The following TUFT1 variants were observed in gnomAD, a reference collection of about 807,000 sequenced individuals.
The protein encoded by TUFT1 is tuftelin.
Under a neutral mutation model 57.8 loss-of-function variants are expected in TUFT1, and 43 were observed. The observed-to-expected ratio is 0.74, with a 90% confidence interval of 0.58 to 0.96. The LOEUF is 0.96. Ranked by LOEUF, TUFT1 falls within the 40% of genes least tolerant of loss-of-function variation. The pLI, the probability that TUFT1 is intolerant of heterozygous loss-of-function variation, is 0.00. For missense variants in TUFT1, 459 were observed against 489.0 expected, an observed-to-expected ratio of 0.94 and a Z score of 0.58; for synonymous variants, 166 against 176.7, an observed-to-expected ratio of 0.94 and a Z score of 0.48.
chr1:151,568,235 T>G (rs1666143586), intron 6 of TUFT1, among the ~76,000 whole-genome samples: 1 of 152,126 alleles, frequency 6.6e-6, no homozygotes, highest in African/African-American at 2.4e-5. Flanking sequence ...TGTTTTTTGT[T>G]TTTTTTGCCT....
chr1:151,579,913 AG>A (rs1666589637), intron 11 of TUFT1, among the ~76,000 whole-genome samples, 181 bp downstream of exon 11: 1 of 152,166 alleles, frequency 6.6e-6, no homozygotes, highest in African/African-American at 2.4e-5. Context: ...ACCTTCAGGA[AG>A]CTGCTAACAA....
intron 11 of TUFT1, among the ~76,000 whole-genome samples, chr1:151,580,661 CAAAAAAA>C (rs10714430): frequency 1.4e-5 from 1 of 71,908 alleles, no homozygotes; most frequent in South Asian, 4.5e-4. Context: ...GACCCTATCT[CAAAAAAA>C]AAAAAAAAAA....
chr1:151,543,037 C>T (rs1306951642), intron 1 of TUFT1, among the ~76,000 whole-genome samples: 1 of 152,178 alleles, frequency 6.6e-6, no homozygotes, highest in South Asian at 2.1e-4. Context: ...GGAGTGAGGG[C>T]CCTGGGACTC....
intron 1 of TUFT1, among the ~76,000 whole-genome samples, chr1:151,541,519 T>G (rs958365097): frequency 6.6e-6 from 1 of 152,038 alleles, no homozygotes; most frequent in South Asian, 2.1e-4. Context: ...TCATCCCCCC[T>G]CCCACATCTG....
At chr1:151,557,843 C>T (rs1665759867) in intron 1 of TUFT1, 1 of 745,480 alleles carries the variant, frequency 1.3e-6, no homozygotes, top group Non-Finnish European at 2.5e-6. Context: ...GCTGTGCCGC[C>T]TGGTGCCGAC....
At chr1:151,578,962 G>A (rs1278208021) in intron 10 of TUFT1, 136 bp downstream of exon 10, 1 of 660,444 alleles carries the variant, frequency 1.5e-6, no homozygotes, top group Non-Finnish European at 2.5e-6. Context: ...ACCAGGTTCA[G>A]GTTATTAGGA....
At chr1:151,570,615 A>T (rs1666225958) in intron 7 of TUFT1, among the ~76,000 whole-genome samples, 1 of 152,170 alleles carries the variant, frequency 6.6e-6, no homozygotes, top group Non-Finnish European at 1.5e-5. Context: ...ATAATACAGA[A>T]ATCTATAAAT....
intron 1 of TUFT1, among the ~76,000 whole-genome samples, chr1:151,550,079 G>T (rs778585437): frequency 3.3e-5 from 5 of 151,778 alleles, no homozygotes; most frequent in Non-Finnish European, 5.9e-5. Context: ...AGTGTCACAG[G>T]GCTCACTGCA....
chr1:151,571,031 G>C (rs1054552899), intron 7 of TUFT1, among the ~76,000 whole-genome samples: 4 of 152,230 alleles, frequency 2.6e-5, no homozygotes, highest in African/African-American at 9.6e-5. Flanking sequence ...CAACTGCTCT[G>C]TGTGAGGTTA....
In TUFT1 at chr1:151,573,331, C is replaced by T. The variant is rs1338646671; in HGVS notation, c.595-939C>T. ...TCCTCCCCCAGGCTCTGAAGGCTCTCTGGAAGAAGGGGCATCTAAGTGAGA... is the reference window on the plus strand; with the variant it reads ...TCCTCCCCCAGGCTCTGAAGGCTCTTTGGAAGAAGGGGCATCTAAGTGAGA... On this transcript the variant is annotated intron_variant, in intron 7 of 12. Coordinates refer to ENST00000368849, the MANE Select transcript of TUFT1 (RefSeq NM_020127.3). Among the ~76,000 whole-genome samples the T allele has an allele frequency of 3.9e-5, 6 of 152,142 alleles. No homozygotes were observed. The East Asian group carries it at 1.2e-3, about 29-fold the overall frequency.
intron 11 of TUFT1, among the ~76,000 whole-genome samples, chr1:151,580,661 CAAAAA>C (rs10714430): frequency 1.3e-4 from 9 of 71,906 alleles, no homozygotes; most frequent in Non-Finnish European, 2.1e-4. Flanking sequence ...GACCCTATCT[CAAAAA>C]AAAAAAAAAA....
At chr1:151,574,518 C>A in intron 8 of TUFT1, 120 bp downstream of exon 8, 2 of 1,341,156 alleles carry the variant, frequency 1.5e-6, no homozygotes, top group Non-Finnish European at 2.0e-6. Flanking sequence ...GCACACTTCG[C>A]ACCTTCCTTT....
intron 7 of TUFT1, among the ~76,000 whole-genome samples, chr1:151,572,226 T>TG (rs1185689536): frequency 1.0e-5 from 1 of 99,720 alleles, no homozygotes; most frequent in East Asian, 2.3e-4. Context: ...GGTACATAAA[T>TG]AATTTTTTTT....
intron 1 of TUFT1, among the ~76,000 whole-genome samples, chr1:151,559,336 G>A (rs1393066410): frequency 3.3e-5 from 5 of 152,220 alleles, no homozygotes; most frequent in Non-Finnish European, 5.9e-5. Flanking sequence ...GCCATGGGAG[G>A]CCTTGTGACG....
In TUFT1 at chr1:151,579,810, G is replaced by T. The variant is rs902356799; in HGVS notation, c.1008+78G>T. 10 of 1,405,184 alleles carry T rather than the reference G, an allele frequency of 7.1e-6. No individual in the cohort carries two copies. In the African/African-American group the frequency reaches 1.5e-4, roughly 21 times the overall value. 87.0% of individuals were successfully genotyped at this position (1,405,184 alleles called of 1,614,324 possible). On this transcript the variant is annotated intron_variant, in intron 11 of 12. Transcript: ENST00000368849. ...GACATAAGGGAGACAGAGGTTATGG[G>T]AGGGGTCTTTGTCATGTCTTGCTGT... is the stretch of plus-strand genomic sequence containing the variant.
At chr1:151,553,906 G>GCCT (rs1463160280) in intron 1 of TUFT1, among the ~76,000 whole-genome samples, 1 of 152,162 alleles carries the variant, frequency 6.6e-6, no homozygotes, top group African/African-American at 2.4e-5. Context: ...CTTTGATAAT[G>GCCT]CCTAATGAAG....
intron 1 of TUFT1, among the ~76,000 whole-genome samples, chr1:151,547,492 T>C (rs921449240): frequency 4.6e-5 from 7 of 152,174 alleles, no homozygotes; most frequent in Non-Finnish European, 8.8e-5. Flanking sequence ...GAAATAGGTA[T>C]GTGCCAGGAA....
chr1:151,561,491 A>ACT (rs1665891976), intron 1 of TUFT1: 1 of 921,934 alleles, frequency 1.1e-6, no homozygotes, highest in Non-Finnish European at 1.3e-6. Flanking sequence ...ACACACACAC[A>ACT]CACACACACA....
chr1:151,543,789 T>G (rs1665242240), intron 1 of TUFT1, among the ~76,000 whole-genome samples: 1 of 151,412 alleles, frequency 6.6e-6, no homozygotes, highest in Non-Finnish European at 1.5e-5. Context: ...CAGGGTTCCT[T>G]GACTGATAGG....
Sources: allele counts gnomAD v4.1 joint callset (sites outside exome capture counted in the v4.1 genomes callset), GRCh38; gene constraint gnomAD v4.1.1; transcripts MANE v1.5; gene names NCBI Gene and HGNC (gene_info 2026-07-23, HGNC 2026-07-21).